The following LIN7A variants were observed in gnomAD, a reference collection of about 807,000 sequenced individuals.
LIN7A encodes the protein protein lin-7 homolog A.
LIN7A carries 25 observed loss-of-function variants against 29.8 expected under a neutral mutation model. The ratio of observed to expected loss-of-function variants is 0.84; its 90% CI spans 0.61 to 1.17. LIN7A has a LOEUF of 1.17. Among genes scored for constraint, LIN7A ranks in the 50% most tolerant of loss-of-function variants. The pLI is 0.00. For missense variants in LIN7A, 239 were observed against 287.0 expected (o/e 0.83, Z 1.21); for synonymous variants, 118 against 107.5 (o/e 1.10, Z -0.60).
intron 4 of LIN7A, chr12:80,832,569 A>C (rs1350700591): frequency 2.1e-6 from 1 of 476,550 alleles, no homozygotes; most frequent in Non-Finnish European, 4.3e-6. Context: ...GCCTGGACTT[A>C]CCATTTGAAG....
intron 4 of LIN7A, 162 bp downstream of exon 4, chr12:80,845,568 A>G: frequency 1.9e-6 from 1 of 522,734 alleles, no homozygotes; most frequent in Admixed American, 3.9e-5. Flanking sequence ...TAAAAATTAG[A>G]TTGCAGCTTT....
chr12:80,813,212 C>T (rs1460010028), intron 4 of LIN7A, among the ~76,000 whole-genome samples: 1 of 152,122 alleles, frequency 6.6e-6, no homozygotes, highest in Non-Finnish European at 1.5e-5. Context: ...AGGGTTTCAC[C>T]ATGTTAGCCA....
chr12:80,931,318 AG>A (rs1482506568), intron 1 of LIN7A, among the ~76,000 whole-genome samples: 1 of 152,190 alleles, frequency 6.6e-6, no homozygotes, highest in African/African-American at 2.4e-5. Flanking sequence ...TAGAGATTTG[AG>A]TCATTCTCTT....
At chr12:80,932,915 G>C (rs1346567641) in intron 1 of LIN7A, among the ~76,000 whole-genome samples, 1 of 152,176 alleles carries the variant, frequency 6.6e-6, no homozygotes, top group Non-Finnish European at 1.5e-5. Context: ...ATTAAAATCT[G>C]AGCAAACTAA....
At chr12:80,871,513 T>C (rs1874424804) in intron 2 of LIN7A, among the ~76,000 whole-genome samples, 1 of 152,138 alleles carries the variant, frequency 6.6e-6, no homozygotes, top group South Asian at 2.1e-4. Flanking sequence ...CCTACTCATC[T>C]TACTTTTTTT....
At chr12:80,908,944 T>G (rs1043668521) in intron 1 of LIN7A, among the ~76,000 whole-genome samples, 3 of 152,154 alleles carry the variant, frequency 2.0e-5, no homozygotes. Flanking sequence ...CGTCTTTTAA[T>G]TTTCTTAATG....
chr12:80,798,877 C>T (rs1038731430), intron 5 of LIN7A, among the ~76,000 whole-genome samples: 5 of 151,728 alleles, frequency 3.3e-5, no homozygotes, highest in African/African-American at 1.2e-4. Flanking sequence ...GGACTACAGG[C>T]ATGTGCCACC....
At chr12:80,890,736 T>C (rs1875578170) in intron 1 of LIN7A, among the ~76,000 whole-genome samples, 1 of 152,094 alleles carries the variant, frequency 6.6e-6, no homozygotes, top group Non-Finnish European at 1.5e-5. Flanking sequence ...ACAGGAAGTC[T>C]ACATAGTCAA....
intron 4 of LIN7A, 75 bp downstream of exon 4, chr12:80,845,655 G>T: frequency 8.6e-7 from 1 of 1,163,304 alleles, no homozygotes; most frequent in Non-Finnish European, 1.2e-6. Context: ...TTTCAACGTT[G>T]ACTTCAGTAA....
At chr12:80,844,067 A>G (rs1872947592) in intron 4 of LIN7A, among the ~76,000 whole-genome samples, 1 of 151,982 alleles carries the variant, frequency 6.6e-6, no homozygotes, top group Non-Finnish European at 1.5e-5. Flanking sequence ...TTTTAAATCT[A>G]TACCTTATTT....
chr12:80,896,046 A>G (rs1389225659), intron 1 of LIN7A, among the ~76,000 whole-genome samples: 2 of 152,194 alleles, frequency 1.3e-5, no homozygotes, highest in African/African-American at 4.8e-5. Flanking sequence ...GGTTTCCGGG[A>G]TAATATTGAT....
intron 2 of LIN7A, among the ~76,000 whole-genome samples, chr12:80,848,642 A>G (rs1025670926): frequency 6.6e-6 from 1 of 152,164 alleles, no homozygotes; most frequent in Non-Finnish European, 1.5e-5. Context: ...AGAAAAAAAA[A>G]AACTTAAAGG....
At chr12:80,902,218 T>TG (rs1491158086) in intron 1 of LIN7A, among the ~76,000 whole-genome samples, 497 of 14,252 alleles carry the variant, frequency 0.035, 2 homozygotes, top group South Asian at 0.19. Context: ...GGTCTATGTG[T>TG]TTTTTTTTTT....
At chr12:80,883,712 G>A (rs1168244640) in intron 2 of LIN7A, among the ~76,000 whole-genome samples, 1 of 152,164 alleles carries the variant, frequency 6.6e-6, no homozygotes, top group Non-Finnish European at 1.5e-5. Flanking sequence ...GTGCAAGACT[G>A]GTGGTATTAG....
intron 2 of LIN7A, among the ~76,000 whole-genome samples, chr12:80,874,938 T>C (rs1452453082): frequency 6.6e-6 from 1 of 152,166 alleles, no homozygotes; most frequent in Non-Finnish European, 1.5e-5. Context: ...GAGGCAGAGC[T>C]TGCAGTGAGC....
At chr12:80,804,153 T>A (rs185474042) in intron 5 of LIN7A, among the ~76,000 whole-genome samples, 2 of 152,326 alleles carry the variant, frequency 1.3e-5, no homozygotes, top group Admixed American at 1.3e-4. Context: ...AGACATGCAA[T>A]GTGTCATAAT....
At chr12:80,869,416 T>C (rs539142253) in intron 2 of LIN7A, among the ~76,000 whole-genome samples, 3 of 152,166 alleles carry the variant, frequency 2.0e-5, no homozygotes, top group East Asian at 1.9e-4. Context: ...AACTGCCTGG[T>C]TGGATTGCTT....
chr12:80,927,635 CAAAT>C (rs988910988), intron 1 of LIN7A, among the ~76,000 whole-genome samples: 67 of 152,274 alleles, frequency 4.4e-4, no homozygotes, highest in African/African-American at 1.6e-3. Context: ...TCTTATATGA[CAAAT>C]AAACTTAGCG....
intron 1 of LIN7A, among the ~76,000 whole-genome samples, chr12:80,930,541 T>G (rs1366199333): frequency 6.6e-6 from 1 of 152,234 alleles, no homozygotes; most frequent in Non-Finnish European, 1.5e-5. Context: ...GCGTAGCTTA[T>G]ATATATGTGT....
Sources: gnomAD v4.1 joint callset for allele counts (sites outside exome capture counted in the v4.1 genomes callset) on GRCh38, gnomAD v4.1.1 for gene constraint, MANE v1.5 for transcripts, NCBI Gene and HGNC (gene_info 2026-07-23, HGNC 2026-07-21) for gene names.